LRRC4C: variants seen among roughly 807,000 people sequenced by gnomAD.
The protein encoded by LRRC4C is leucine-rich repeat-containing protein 4C.
Under a neutral mutation model 33.6 loss-of-function variants are expected in LRRC4C, and 5 were observed. The ratio of observed to expected loss-of-function variants is 0.15; its 90% CI spans 0.08 to 0.31. LRRC4C has a LOEUF of 0.31. LRRC4C is among the 10% of genes least tolerant of loss of function. The pLI, the probability that LRRC4C is intolerant of heterozygous loss-of-function variation, is 1.00. For synonymous variants in LRRC4C, 329 were observed against 302.0 expected (o/e 1.09, Z -0.93); for missense variants, 560 against 796.7 (o/e 0.70, Z 3.58).
chr11:40,280,957 G>A (rs1943433158), intron 4 of LRRC4C, among the ~76,000 whole-genome samples: 1 of 152,050 alleles, frequency 6.6e-6, no homozygotes, highest in South Asian at 2.1e-4. Context: ...GGAATTTTTT[G>A]TTGTTAATAG....
chr11:41,400,399 G>A (rs2956774), intron 1 of LRRC4C, among the ~76,000 whole-genome samples: 130,615 of 151,732 alleles, frequency 0.86, 56,375 homozygotes, highest in African/African-American at 0.92. Flanking sequence ...AAATCTAAGC[G>A]ATTTCCACTC....
chr11:40,166,735 G>C (rs536342887), intron 5 of LRRC4C, among the ~76,000 whole-genome samples: 1 of 152,228 alleles, frequency 6.6e-6, no homozygotes, highest in African/African-American at 2.4e-5. Context: ...ATGACTACTA[G>C]TTGGTCATGT....
intron 2 of LRRC4C, among the ~76,000 whole-genome samples, chr11:40,770,669 CA>C (rs1302548506): frequency 1.3e-5 from 2 of 152,168 alleles, no homozygotes; most frequent in African/African-American, 2.4e-5. Flanking sequence ...TAGTTAATTT[CA>C]AGATATAATG....
intron 2 of LRRC4C, among the ~76,000 whole-genome samples, chr11:40,675,839 A>T (rs552285873): frequency 1.6e-4 from 25 of 152,352 alleles, no homozygotes; most frequent in African/African-American, 6.0e-4. Flanking sequence ...TATGTTTATT[A>T]AAGAACTCAG....
intron 4 of LRRC4C, among the ~76,000 whole-genome samples, chr11:40,310,316 A>T (rs965971147): frequency 1.4e-4 from 22 of 152,192 alleles, no homozygotes; most frequent in Admixed American, 5.2e-4. Flanking sequence ...AGGAATTCAT[A>T]GGTAAATAAG....
intron 1 of LRRC4C, among the ~76,000 whole-genome samples, chr11:41,280,830 G>C (rs1026696025): frequency 2.6e-5 from 4 of 151,980 alleles, no homozygotes; most frequent in Admixed American, 6.6e-5. Flanking sequence ...TTGTTGAAAG[G>C]CTAGCTAAGT....
At chr11:40,260,002 C>T (rs1422040429) in intron 4 of LRRC4C, among the ~76,000 whole-genome samples, 7 of 145,258 alleles carry the variant, frequency 4.8e-5, no homozygotes, top group Middle Eastern at 3.5e-3. Flanking sequence ...GTGGCGATTC[C>T]TCAGGGATCT....
chr11:40,841,641 C>T (rs1268203147), intron 2 of LRRC4C, among the ~76,000 whole-genome samples: 2 of 152,192 alleles, frequency 1.3e-5, no homozygotes, highest in South Asian at 4.1e-4. Flanking sequence ...TTATGGACTT[C>T]CAGCCTCCAG....
At chr11:41,088,091 A>G (rs1397818627) in intron 1 of LRRC4C, among the ~76,000 whole-genome samples, 1 of 152,150 alleles carries the variant, frequency 6.6e-6, no homozygotes, top group African/African-American at 2.4e-5. Context: ...GGCAGACAAA[A>G]TAGACCATCT....
intron 1 of LRRC4C, among the ~76,000 whole-genome samples, chr11:41,404,075 A>T (rs1438586541): frequency 6.6e-6 from 1 of 152,152 alleles, no homozygotes; most frequent in African/African-American, 2.4e-5. Context: ...ATCAGAAGAC[A>T]TGTTTTGGTG....
intron 3 of LRRC4C, among the ~76,000 whole-genome samples, chr11:40,624,406 A>G (rs1429678593): frequency 6.6e-6 from 1 of 152,150 alleles, no homozygotes; most frequent in Non-Finnish European, 1.5e-5. Flanking sequence ...GCCTGTGGTA[A>G]AAGGAAAATT....
intron 3 of LRRC4C, among the ~76,000 whole-genome samples, chr11:40,394,477 T>C (rs754256398): frequency 6.6e-6 from 1 of 152,172 alleles, no homozygotes; most frequent in Non-Finnish European, 1.5e-5. Flanking sequence ...TTCTCCATCA[T>C]ACATGCTTTC....
chr11:40,373,806 T>G (rs1948555681), intron 3 of LRRC4C, among the ~76,000 whole-genome samples: 1 of 152,174 alleles, frequency 6.6e-6, no homozygotes, highest in African/African-American at 2.4e-5. Flanking sequence ...ACACACCTGC[T>G]TCTGTTTTGC....
chr11:40,225,396 T>C (rs1415377381), intron 5 of LRRC4C, among the ~76,000 whole-genome samples: 2 of 152,200 alleles, frequency 1.3e-5, no homozygotes, highest in Non-Finnish European at 2.9e-5. Flanking sequence ...TAAGTTCTAT[T>C]GTCCTCATTT....
At chr11:41,399,272 G>T (rs1008349777) in intron 1 of LRRC4C, among the ~76,000 whole-genome samples, 3 of 151,886 alleles carry the variant, frequency 2.0e-5, no homozygotes, top group African/African-American at 7.2e-5. Context: ...CCCATAAAAT[G>T]CTGCTGAACA....
At chr11:40,699,515 A>G (rs1443711570) in intron 2 of LRRC4C, among the ~76,000 whole-genome samples, 2 of 152,184 alleles carry the variant, frequency 1.3e-5, no homozygotes, top group Non-Finnish European at 2.9e-5. Flanking sequence ...ATGCCATCCC[A>G]TTTTGGTGCA....
chr11:40,963,906 C>A (rs1316599363), intron 1 of LRRC4C, among the ~76,000 whole-genome samples: 1 of 151,700 alleles, frequency 6.6e-6, no homozygotes, highest in Admixed American at 6.6e-5. Flanking sequence ...CTGCAAAATG[C>A]AGAAATGCCA....
intron 2 of LRRC4C, among the ~76,000 whole-genome samples, chr11:40,653,677 T>G (rs747776299): frequency 6.6e-6 from 1 of 152,198 alleles, no homozygotes; most frequent in Non-Finnish European, 1.5e-5. Context: ...GATGATGCGA[T>G]AGAAAAGAAA....
chr11:40,258,193 G>A (rs569674238), intron 4 of LRRC4C, among the ~76,000 whole-genome samples: 6 of 152,018 alleles, frequency 3.9e-5, no homozygotes, highest in African/African-American at 1.4e-4. Flanking sequence ...ATAGGAATGT[G>A]CTCAACTCCT....
Sources: allele counts gnomAD v4.1 joint callset (sites outside exome capture counted in the v4.1 genomes callset), GRCh38; gene constraint gnomAD v4.1.1; transcripts MANE v1.5; gene names NCBI Gene and HGNC (gene_info 2026-07-23, HGNC 2026-07-21).